Variants in THSD7B observed in about 807,000 individuals in gnomAD.
THSD7B encodes thrombospondin type-1 domain-containing protein 7B.
A neutral mutation model predicts 213.6 loss-of-function variants in THSD7B; 138 were observed. The observed-to-expected ratio is 0.65, with a 90% confidence interval of 0.56 to 0.74. The LOEUF is 0.74. Among genes scored for constraint, THSD7B ranks in the 30% least tolerant of loss-of-function variants. The probability of loss-of-function intolerance (pLI) is 0.00; values close to 1 mark genes in which losing one functional copy is unlikely to be tolerated. For missense variants in THSD7B, 1,931 were observed against 1,991.5 expected (o/e 0.97, Z 0.58); for synonymous variants, 742 against 687.0 (o/e 1.08, Z -1.25).
chr2:137,630,241 G>T (rs983011415), intron 20 of THSD7B, among the ~76,000 whole-genome samples: 1 of 152,134 alleles, frequency 6.6e-6, no homozygotes, highest in Non-Finnish European at 1.5e-5. Flanking sequence ...CAATCTGCCT[G>T]CCTCGGCCCC....
chr2:136,952,434 CT>C (rs35848268), intron 2 of THSD7B, among the ~76,000 whole-genome samples: 19,355 of 125,378 alleles, frequency 0.15, 991 homozygotes, highest in East Asian at 0.34. Context: ...GGGCAGAAAA[CT>C]TTTTTTTTTT....
At chr2:137,444,545 T>C (rs1687486806) in intron 14 of THSD7B, among the ~76,000 whole-genome samples, 1 of 151,972 alleles carries the variant, frequency 6.6e-6, no homozygotes. Flanking sequence ...TACTAAAATA[T>C]ATAAGCTAGA....
In THSD7B at chr2:137,378,527, T is replaced by C. The variant is rs1685710734; in HGVS notation, c.2501-27086T>C. ...GTGGTTTCATCATGGCTGATGGAGA[T>C]TATTGGGGTTCAAGACCACTTGTTG... On this transcript the variant is annotated intron_variant, in intron 12 of 27. Transcript: ENST00000409968. Among the ~76,000 whole-genome samples the C allele has an allele frequency of 1.3e-5, 2 of 152,190 alleles. 1 individual carries two copies. The highest frequency in any genetic ancestry group is 4.1e-4 in the South Asian group (2 of 4,832).
intron 9 of THSD7B, among the ~76,000 whole-genome samples, chr2:137,239,116 T>A (rs569773961): frequency 6.6e-6 from 1 of 152,186 alleles, no homozygotes; most frequent in African/African-American, 2.4e-5. Context: ...CCACTTCATA[T>A]CCTACTTCCT....
At chr2:137,055,536 A>G (rs1208717311) in intron 2 of THSD7B, among the ~76,000 whole-genome samples, 1 of 152,216 alleles carries the variant, frequency 6.6e-6, no homozygotes, top group Non-Finnish European at 1.5e-5. Flanking sequence ...GCCTGCTGGT[A>G]TGTCTGTAGA....
At chr2:137,366,754 T>A (rs930266253) in intron 12 of THSD7B, among the ~76,000 whole-genome samples, 4 of 152,230 alleles carry the variant, frequency 2.6e-5, no homozygotes, top group African/African-American at 9.6e-5. Context: ...TGAGAGGACT[T>A]ATGTAATTAA....
At chr2:137,290,988 C>T (rs1310758877) in intron 12 of THSD7B, among the ~76,000 whole-genome samples, 2 of 152,146 alleles carry the variant, frequency 1.3e-5, no homozygotes, top group Non-Finnish European at 2.9e-5. Flanking sequence ...GAGTCACTCA[C>T]CTGATTATCT....
chr2:137,266,470 G>A (rs1017120958), intron 10 of THSD7B, among the ~76,000 whole-genome samples: 1 of 152,176 alleles, frequency 6.6e-6, no homozygotes, highest in African/African-American at 2.4e-5. Flanking sequence ...TTGTTTTTGA[G>A]TGGTGAATTG....
At chr2:137,470,352 A>G (rs143200578) in intron 15 of THSD7B, among the ~76,000 whole-genome samples, 1 of 152,362 alleles carries the variant, frequency 6.6e-6, no homozygotes, top group African/African-American at 2.4e-5. Flanking sequence ...GCAAAAGGAT[A>G]AACAGATTTC....
chr2:136,901,861 T>C (rs1464598500), intron 2 of THSD7B, among the ~76,000 whole-genome samples: 1 of 152,238 alleles, frequency 6.6e-6, no homozygotes, highest in Non-Finnish European at 1.5e-5. Flanking sequence ...TATTTATCTT[T>C]GTTAGACTCT....
chr2:137,349,874 C>A (rs938002123), intron 12 of THSD7B, among the ~76,000 whole-genome samples: 4 of 151,902 alleles, frequency 2.6e-5, no homozygotes, highest in Admixed American at 2.6e-4. Context: ...AGGTATCTAT[C>A]TTGCCTCCTA....
In THSD7B at chr2:137,563,340, A is replaced by G. The variant is rs372816208; in HGVS notation, c.3258A>G (p.Gln1086=). The G allele has an allele frequency of 4.2e-5, 67 of 1,612,966 alleles. No homozygotes were observed. Among genetic ancestry groups the G allele is most frequent in the Non-Finnish European group, 5.2e-5 (61 of 1,179,472 alleles). The change falls in exon 16 of 28, where the codon CAA becomes CAG. Residue 1086 remains glutamine (Q), a synonymous_variant. Transcript: ENST00000409968. The stretch of plus-strand genomic sequence containing the variant: ...CCCTGCGCTGTGGAGGAGGAACACA[A>G]TCTAGGAAAATCAGGTGTGTGAAAA... ...LRSLRCGGGT[Q]SRKIRCVNTA... is the part of the protein sequence containing the mutation.
At chr2:136,943,179 C>T (rs1227679033) in intron 2 of THSD7B, among the ~76,000 whole-genome samples, 3 of 152,126 alleles carry the variant, frequency 2.0e-5, no homozygotes, top group African/African-American at 7.2e-5. Flanking sequence ...TGATGGATTA[C>T]ATTTATTGAT....
intron 2 of THSD7B, among the ~76,000 whole-genome samples, chr2:137,006,226 T>C (rs926577056): frequency 5.3e-5 from 8 of 152,002 alleles, no homozygotes; most frequent in African/African-American, 1.9e-4. Flanking sequence ...ACCCCGTCTC[T>C]ACTAAAAAAT....
intron 15 of THSD7B, chr2:137,538,446 C>T: frequency 2.0e-6 from 1 of 503,346 alleles, no homozygotes; most frequent in Non-Finnish European, 3.9e-6. Flanking sequence ...AATTTTCTTT[C>T]CCTTTTGCTT....
chr2:137,369,981 A>AG (rs1211655367), intron 12 of THSD7B, among the ~76,000 whole-genome samples: 1 of 27,560 alleles, frequency 3.6e-5, no homozygotes, highest in Non-Finnish European at 4.9e-4. Context: ...CAAAATTGGA[A>AG]GAAAAAATCT....
intron 2 of THSD7B, among the ~76,000 whole-genome samples, chr2:137,001,986 C>A (rs1344428112): frequency 6.6e-6 from 1 of 152,116 alleles, no homozygotes; most frequent in African/African-American, 2.4e-5. Context: ...AGCTGAGCTG[C>A]TGATCTACAG....
In THSD7B at chr2:137,115,235, C is replaced by G. The variant is rs772594830; in HGVS notation, c.1311C>G (p.Thr437=). ...TGPVCGGGIQ[T]REVYCAQSVP... is the part of the protein sequence containing the mutation. ...CCGTGTGTGGCGGTGGGATCCAGAC[C>G]CGGGAGGTGTACTGTGCCCAGAGCG... Residue 437 remains threonine, a synonymous_variant, in exon 5 of 28, where the codon ACC becomes ACG. Transcript: ENST00000409968. The G allele has an allele frequency of 6.2e-7, 1 of 1,613,234 alleles. No homozygotes were observed. The highest frequency in any genetic ancestry group is 1.1e-5 in the South Asian group (1 of 90,988).
chr2:137,108,163 A>G (rs1475594906), intron 4 of THSD7B, among the ~76,000 whole-genome samples: 1 of 152,224 alleles, frequency 6.6e-6, no homozygotes, highest in African/African-American at 2.4e-5. Flanking sequence ...TTATTCTTTC[A>G]ATCTGTCATC....
Sources: allele counts gnomAD v4.1 joint callset (sites outside exome capture counted in the v4.1 genomes callset), GRCh38; gene constraint gnomAD v4.1.1; transcripts MANE v1.5; gene names NCBI Gene and HGNC (gene_info 2026-07-23, HGNC 2026-07-21).